Variants in AGBL4 observed in about 807,000 individuals in gnomAD.
The protein encoded by AGBL4 is AGBL carboxypeptidase 4, also known as cytosolic carboxypeptidase 6.
Under a neutral mutation model 66.4 loss-of-function variants are expected in AGBL4, and 58 were observed. That is an observed-to-expected ratio of 0.87 (90% CI 0.71 to 1.09). The LOEUF is 1.09. AGBL4 is among the 50% of genes least tolerant of loss of function. AGBL4 has a pLI of 0.00. For missense variants in AGBL4, 579 were observed against 631.0 expected, an observed-to-expected ratio of 0.92 and a Z score of 0.88; for synonymous variants, 234 against 222.9, an observed-to-expected ratio of 1.05 and a Z score of -0.44.
chr1:48,668,063 A>G (rs995804636), intron 6 of AGBL4, among the ~76,000 whole-genome samples: 1 of 151,826 alleles, frequency 6.6e-6, no homozygotes, highest in Non-Finnish European at 1.5e-5. Flanking sequence ...TATTTCCTTG[A>G]CTTGATTGGT....
chr1:48,868,156 T>C (rs913086551), intron 5 of AGBL4, among the ~76,000 whole-genome samples: 2 of 152,214 alleles, frequency 1.3e-5, no homozygotes, highest in Non-Finnish European at 2.9e-5. Context: ...GTTTCTGTTT[T>C]CTTAAAAGAG....
intron 3 of AGBL4, among the ~76,000 whole-genome samples, chr1:49,593,163 G>C (rs1336571879): frequency 4.6e-5 from 7 of 152,104 alleles, no homozygotes; most frequent in Admixed American, 4.6e-4. Context: ...AATCCCAGCA[G>C]TTTGGGAGGC....
chr1:49,358,371 C>T (rs970978854), intron 3 of AGBL4, among the ~76,000 whole-genome samples: 10 of 151,622 alleles, frequency 6.6e-5, no homozygotes, highest in African/African-American at 2.2e-4. Flanking sequence ...GGTACACTCT[C>T]GTGTAGGCAT....
At chr1:49,048,906 CA>C (rs1385694623) in intron 4 of AGBL4, among the ~76,000 whole-genome samples, 1 of 152,108 alleles carries the variant, frequency 6.6e-6, no homozygotes, top group Non-Finnish European at 1.5e-5. Context: ...ATAATCCCTA[CA>C]GTATCTTTCC....
At chr1:48,728,859 T>C (rs992361821) in intron 6 of AGBL4, among the ~76,000 whole-genome samples, 1 of 152,232 alleles carries the variant, frequency 6.6e-6, no homozygotes, top group African/African-American at 2.4e-5. Context: ...GTACTTGACA[T>C]TGTCACATTA....
chr1:48,816,319 T>C (rs1198483212), intron 6 of AGBL4, among the ~76,000 whole-genome samples: 1 of 152,152 alleles, frequency 6.6e-6, no homozygotes, highest in African/African-American at 2.4e-5. Flanking sequence ...AGATACGATT[T>C]GAAGTCCCTT....
At chr1:48,735,213 C>T (rs1427674111) in intron 6 of AGBL4, among the ~76,000 whole-genome samples, 1 of 152,198 alleles carries the variant, frequency 6.6e-6, no homozygotes, top group East Asian at 1.9e-4. Flanking sequence ...ATTCTCTTTG[C>T]TCCCTCTACA....
chr1:48,746,437 G>A (rs771298308), intron 6 of AGBL4, among the ~76,000 whole-genome samples: 2 of 152,106 alleles, frequency 1.3e-5, no homozygotes, highest in African/African-American at 2.4e-5. Flanking sequence ...GGTTCACGAC[G>A]GTCCCCTCAA....
At chr1:48,870,446 T>A (rs1648540217) in intron 5 of AGBL4, among the ~76,000 whole-genome samples, 1 of 152,164 alleles carries the variant, frequency 6.6e-6, no homozygotes, top group South Asian at 2.1e-4. Flanking sequence ...TTTGATGTCA[T>A]CTAGCTCAAA....
intron 11 of AGBL4, chr1:48,585,188 A>G (rs1038574890): frequency 6.6e-6 from 1 of 152,198 alleles, no homozygotes; most frequent in Non-Finnish European, 1.5e-5. Context: ...ATTTTCTTCT[A>G]AGACAGAAGC....
At chr1:48,664,569 G>A (rs532778190) in intron 6 of AGBL4, among the ~76,000 whole-genome samples, 2 of 152,274 alleles carry the variant, frequency 1.3e-5, no homozygotes, top group African/African-American at 4.8e-5. Flanking sequence ...CTCTTTAAAG[G>A]AAGGCAACAA....
In AGBL4 at chr1:48,534,116, T is replaced by A. The variant is rs1483790464; in HGVS notation, c.*57A>T. 1.9e-6 allele frequency: 3 copies of A among 1,550,728 alleles called. No homozygotes were observed. The Admixed American group carries it at 5.9e-5, about 30-fold the overall frequency. ...GCTAGAGAAGAGTGATTAATTTCAT[T>A]CCCCAGCAGAAAATGCATGCTCCTG... On this transcript the variant is annotated 3_prime_UTR_variant, in exon 14 of 14. Transcript: ENST00000371839.
At chr1:49,211,275 A>G (rs1293708144) in intron 4 of AGBL4, among the ~76,000 whole-genome samples, 1 of 152,144 alleles carries the variant, frequency 6.6e-6, no homozygotes, top group Non-Finnish European at 1.5e-5. Context: ...CAGTTGATTT[A>G]GAAAGACAGT....
chr1:49,899,370 A>G (rs1649541232), intron 1 of AGBL4, among the ~76,000 whole-genome samples: 1 of 152,150 alleles, frequency 6.6e-6, no homozygotes, highest in African/African-American at 2.4e-5. Flanking sequence ...TTTAAAAATA[A>G]CTAAATGAGT....
At chr1:48,585,919 ACACT>A (rs1396449146) in intron 11 of AGBL4, 1 of 151,842 alleles carries the variant, frequency 6.6e-6, no homozygotes, top group Non-Finnish European at 1.5e-5. Flanking sequence ...AATTCCATAA[ACACT>A]CACCAAGGGT....
chr1:49,787,733 A>T (rs1644494769), intron 2 of AGBL4, among the ~76,000 whole-genome samples: 1 of 152,122 alleles, frequency 6.6e-6, no homozygotes. Context: ...AAGTCTGGAG[A>T]AAACCAGGCA....
At chr1:48,559,215 G>A (rs1644362332) in intron 11 of AGBL4, among the ~76,000 whole-genome samples, 1 of 152,174 alleles carries the variant, frequency 6.6e-6, no homozygotes, top group East Asian at 1.9e-4. Context: ...CTTCCACACA[G>A]TATAATCAGC....
chr1:48,784,783 AATGATCTGAATC>A (rs1391448889), intron 6 of AGBL4, among the ~76,000 whole-genome samples: 1 of 152,208 alleles, frequency 6.6e-6, no homozygotes, highest in African/African-American at 2.4e-5. Flanking sequence ...TGGTCAAACA[AATGATCTGAATC>A]CCAGCATTTT....
intron 4 of AGBL4, among the ~76,000 whole-genome samples, chr1:49,185,611 C>T (rs1647002595): frequency 6.6e-6 from 1 of 152,154 alleles, no homozygotes; most frequent in Admixed American, 6.5e-5. Context: ...TATGTTCTTC[C>T]TGATCATGCC....
Sources: allele counts gnomAD v4.1 joint callset (sites outside exome capture counted in the v4.1 genomes callset), GRCh38; gene constraint gnomAD v4.1.1; transcripts MANE v1.5; gene names NCBI Gene and HGNC (gene_info 2026-07-23, HGNC 2026-07-21).